The following SAMMSON variants were observed in gnomAD, a reference collection of about 807,000 sequenced individuals.
SAMMSON encodes the protein long intergenic non-protein coding RNA 1212.
chr3:70,291,554 T>C (rs549867821), intron 7 of SAMMSON, among the ~76,000 whole-genome samples: 2 of 152,288 alleles, frequency 1.3e-5, no homozygotes, highest in African/African-American at 4.8e-5. Context: ...CATTCTGAGA[T>C]TCTCAGAAGG....
chr3:70,194,550 C>G (rs1701156809), intron 4 of SAMMSON, among the ~76,000 whole-genome samples: 1 of 152,164 alleles, frequency 6.6e-6, no homozygotes, highest in Admixed American at 6.6e-5. Context: ...ATAACCGACC[C>G]TTTCTGTTAT....
At chr3:70,231,486 C>A (rs1701559832) in intron 4 of SAMMSON, among the ~76,000 whole-genome samples, 2 of 152,166 alleles carry the variant, frequency 1.3e-5, no homozygotes, top group African/African-American at 4.8e-5. Flanking sequence ...ACACGTGCCG[C>A]GTACTCTTCA....
At chr3:70,330,159 AT>A (rs1702610618) in intron 7 of SAMMSON, among the ~76,000 whole-genome samples, 1 of 151,954 alleles carries the variant, frequency 6.6e-6, no homozygotes, top group Non-Finnish European at 1.5e-5. Flanking sequence ...TTCGGAAAAA[AT>A]ATATAAACTT....
intron 3 of SAMMSON, among the ~76,000 whole-genome samples, chr3:70,058,674 C>T (rs1290798689): frequency 1.3e-5 from 2 of 152,036 alleles, no homozygotes; most frequent in Non-Finnish European, 2.9e-5. Flanking sequence ...CCCCAGCAAC[C>T]ATTCTTGTCC....
intron 6 of SAMMSON, among the ~76,000 whole-genome samples, chr3:70,276,311 C>G (rs572505689): frequency 2.6e-5 from 4 of 152,026 alleles, no homozygotes; most frequent in African/African-American, 9.7e-5. Flanking sequence ...TTTTAAATAA[C>G]TTTATATTAT....
At chr3:70,170,498 A>C (rs1419483504) in intron 4 of SAMMSON, among the ~76,000 whole-genome samples, 1 of 151,414 alleles carries the variant, frequency 6.6e-6, no homozygotes, top group African/African-American at 2.4e-5. Flanking sequence ...CCGCACAATT[A>C]ATGGCCATAT....
chr3:70,329,294 CT>C (rs1434266454), intron 7 of SAMMSON, among the ~76,000 whole-genome samples: 5 of 152,008 alleles, frequency 3.3e-5, no homozygotes, highest in Non-Finnish European at 7.4e-5. Context: ...CTTTATGGTT[CT>C]TTAAATTCCA....
intron 4 of SAMMSON, among the ~76,000 whole-genome samples, chr3:70,102,484 G>A (rs891558726): frequency 3.3e-5 from 5 of 152,168 alleles, no homozygotes; most frequent in African/African-American, 9.7e-5. Context: ...ATCCCACTTC[G>A]TAGTTGAATG....
intron 4 of SAMMSON, among the ~76,000 whole-genome samples, chr3:70,104,172 T>C (rs2067356594): frequency 6.6e-6 from 1 of 152,116 alleles, no homozygotes. Flanking sequence ...CTCTTCTGAA[T>C]GTGAGAGTCC....
chr3:70,269,227 A>C (rs564574549), intron 6 of SAMMSON, among the ~76,000 whole-genome samples: 2 of 152,356 alleles, frequency 1.3e-5, no homozygotes, highest in Non-Finnish European at 2.9e-5. Context: ...TTAATTATCA[A>C]TTATAGGCTA....
chr3:70,324,944 C>T (rs776970755), intron 7 of SAMMSON, among the ~76,000 whole-genome samples: 3 of 146,468 alleles, frequency 2.0e-5, no homozygotes, highest in East Asian at 2.0e-4. Flanking sequence ...AGAAGTGATA[C>T]GATTAGGAAA....
intron 7 of SAMMSON, among the ~76,000 whole-genome samples, chr3:70,341,368 T>C (rs1167563108): frequency 1.3e-5 from 2 of 152,086 alleles, no homozygotes. Flanking sequence ...AAGAATATTG[T>C]TTTTTTCCAC....
At position 70,308,459 on chromosome 3, in the gene SAMMSON, G is replaced by A. The variant is rs181660139; in HGVS notation, n.739+17216G>A. Among the ~76,000 whole-genome samples, 491 of 152,164 alleles carry A rather than the reference G, an allele frequency of 3.2e-3. 1 individual carries two copies. The highest frequency in any genetic ancestry group is 4.8e-3 in the Non-Finnish European group (323 of 67,992). On this transcript the variant is annotated intron_variant and non_coding_transcript_variant, in intron 7 of 9. Coordinates refer to ENST00000642114, the Ensembl canonical transcript of SAMMSON. ...GAATGATTTTTTGGGTCTGTCAATG[G>A]TGTTTCTCAAATAAAATTTAGTCTA...
intron 4 of SAMMSON, among the ~76,000 whole-genome samples, chr3:70,197,659 T>G (rs1559532891): frequency 1.3e-5 from 2 of 152,232 alleles, no homozygotes; most frequent in Admixed American, 6.5e-5. Context: ...TTCCCATAAA[T>G]CTGCCACACC....
At chr3:70,200,857 A>G (rs1701230192) in intron 4 of SAMMSON, among the ~76,000 whole-genome samples, 1 of 151,744 alleles carries the variant, frequency 6.6e-6, no homozygotes, top group Non-Finnish European at 1.5e-5. Flanking sequence ...TAGAGCAGAG[A>G]TTCAAATCTA....
At chr3:70,341,489 G>A (rs1449430316) in intron 7 of SAMMSON, among the ~76,000 whole-genome samples, 1 of 152,096 alleles carries the variant, frequency 6.6e-6, no homozygotes, top group Non-Finnish European at 1.5e-5. Flanking sequence ...AACAAATCAG[G>A]ATAAAATAAT....
intron 3 of SAMMSON, among the ~76,000 whole-genome samples, chr3:70,034,850 A>G (rs1050765431): frequency 4.6e-5 from 7 of 152,158 alleles, no homozygotes; most frequent in African/African-American, 1.7e-4. Flanking sequence ...TCTCAAAAAA[A>G]GGAAACAAAC....
intron 7 of SAMMSON, among the ~76,000 whole-genome samples, chr3:70,337,411 T>C (rs1265614376): frequency 2.6e-5 from 4 of 151,752 alleles, no homozygotes; most frequent in Non-Finnish European, 4.4e-5. Context: ...CCCTGTTAAG[T>C]GCTTGTTTTC....
At chr3:70,379,585 C>A (rs1703047390) in intron 9 of SAMMSON, among the ~76,000 whole-genome samples, 1 of 152,116 alleles carries the variant, frequency 6.6e-6, no homozygotes, top group South Asian at 2.1e-4. Context: ...AATGACTGGG[C>A]TTTGATAGCT....
Sources: gnomAD v4.1 joint callset for allele counts (sites outside exome capture counted in the v4.1 genomes callset) on GRCh38, gnomAD v4.1.1 for gene constraint, MANE v1.5 for transcripts, NCBI Gene and HGNC (gene_info 2026-07-23, HGNC 2026-07-21) for gene names.